Variants in RAP1GDS1 observed in about 807,000 individuals in gnomAD.
RAP1GDS1 encodes RAP1, GTP-GDP dissociation stimulator 1.
In RAP1GDS1, 35 loss-of-function variants were observed where a neutral mutation model predicts 71.1. The observed-to-expected ratio is 0.49, with a 90% CI of 0.38 to 0.65. The LOEUF (loss-of-function observed/expected upper bound fraction) is 0.65. Among genes scored for constraint, RAP1GDS1 ranks in the 30% least tolerant of loss-of-function variants. The probability of loss-of-function intolerance (pLI) is 0.00; values close to 1 mark genes in which losing one functional copy is unlikely to be tolerated. For synonymous variants in RAP1GDS1, 229 were observed against 243.1 expected, an observed-to-expected ratio of 0.94 and a Z score of 0.54; for missense variants, 663 against 706.1, an observed-to-expected ratio of 0.94 and a Z score of 0.69.
In RAP1GDS1 at chr4:98,277,029, C is replaced by A. The variant is rs12649314; in HGVS notation, c.4+15460C>A. 2.7e-3 allele frequency among the ~76,000 whole-genome samples: 408 copies of A among 152,184 alleles called. 14 individuals carry two copies. The East Asian group carries it at 0.076, about 28-fold the overall frequency. ...CCTTTAGTTAGGGGCAGTGTCAGGC[C>A]TAGAATGTTGATCTCTCAACTCCTA... On this transcript the variant is annotated intron_variant, in intron 1 of 14. Coordinates refer to ENST00000408927, the MANE Select transcript of RAP1GDS1 (RefSeq NM_001100427.2).
intron 6 of RAP1GDS1, among the ~76,000 whole-genome samples, chr4:98,401,837 G>A (rs930957748): frequency 6.6e-6 from 1 of 152,154 alleles, no homozygotes; most frequent in African/African-American, 2.4e-5. Context: ...CATAGCAACA[G>A]TGATTTGGTT....
chr4:98,365,711 A>G (rs932372445), intron 4 of RAP1GDS1, among the ~76,000 whole-genome samples: 4 of 152,180 alleles, frequency 2.6e-5, no homozygotes, highest in African/African-American at 4.8e-5. Flanking sequence ...ATACACATCT[A>G]ACTTTTTTTA....
chr4:98,334,064 T>G (rs768133544), intron 2 of RAP1GDS1, among the ~76,000 whole-genome samples: 38 of 152,290 alleles, frequency 2.5e-4, no homozygotes, highest in Admixed American at 3.9e-4. Flanking sequence ...TTATCAAAGT[T>G]TTTTTAAGTC....
chr4:98,289,896 C>T (rs2110273105), intron 1 of RAP1GDS1, among the ~76,000 whole-genome samples: 1 of 151,938 alleles, frequency 6.6e-6, no homozygotes, highest in African/African-American at 2.4e-5. Flanking sequence ...CACATTAGCA[C>T]AGAAATATTT....
At chr4:98,282,809 G>A (rs574030704) in intron 1 of RAP1GDS1, among the ~76,000 whole-genome samples, 110 of 152,170 alleles carry the variant, frequency 7.2e-4, no homozygotes, top group Non-Finnish European at 1.4e-3. Context: ...CAGAGATTCT[G>A]GTGTGTTGTG....
At chr4:98,401,023 GAT>G (rs1745332607) in intron 6 of RAP1GDS1, among the ~76,000 whole-genome samples, 1 of 152,056 alleles carries the variant, frequency 6.6e-6, no homozygotes, top group African/African-American at 2.4e-5. Flanking sequence ...CAAAACAAGG[GAT>G]TTAAATGAAG....
chr4:98,405,275 A>G (rs1560969430), intron 7 of RAP1GDS1, among the ~76,000 whole-genome samples: 1 of 152,174 alleles, frequency 6.6e-6, no homozygotes, highest in South Asian at 2.1e-4. Context: ...AGCAGATTTA[A>G]GAATGAAATA....
chr4:98,295,532 A>G (rs937470713), intron 2 of RAP1GDS1, among the ~76,000 whole-genome samples: 2 of 152,064 alleles, frequency 1.3e-5, no homozygotes, highest in African/African-American at 2.4e-5. Flanking sequence ...AATCTTTCCT[A>G]TAGTCCCATG....
intron 2 of RAP1GDS1, among the ~76,000 whole-genome samples, chr4:98,331,347 A>C (rs188735920): frequency 9.6e-4 from 128 of 132,736 alleles, no homozygotes; most frequent in South Asian, 2.0e-3. Flanking sequence ...GACCACGGAG[A>C]GGGAGAGGGA....
chr4:98,316,722 C>T (rs1263768549), intron 2 of RAP1GDS1, among the ~76,000 whole-genome samples: 1 of 152,124 alleles, frequency 6.6e-6, no homozygotes, highest in East Asian at 1.9e-4. Context: ...ACAACTTTAG[C>T]TCCAAGCCTG....
At chr4:98,388,540 A>G (rs1384673673) in intron 5 of RAP1GDS1, among the ~76,000 whole-genome samples, 1 of 152,182 alleles carries the variant, frequency 6.6e-6, no homozygotes. Flanking sequence ...AACCTGTCCA[A>G]CATGGTGAAA....
intron 8 of RAP1GDS1, 79 bp downstream of exon 8, chr4:98,416,967 C>T (rs1748127641): frequency 3.4e-6 from 5 of 1,457,076 alleles, no homozygotes; most frequent in South Asian, 1.3e-5. Flanking sequence ...GTAAATACTA[C>T]CCTAGACATT....
At chr4:98,441,854 C>A in intron 14 of RAP1GDS1, 136 bp from the exon 15 acceptor site, 1 of 922,186 alleles carries the variant, frequency 1.1e-6, no homozygotes, top group Non-Finnish European at 1.5e-6. Flanking sequence ...CATTGCTAGG[C>A]TACTGCTATG....
At chr4:98,361,696 G>A (rs1738777814) in intron 4 of RAP1GDS1, among the ~76,000 whole-genome samples, 1 of 152,114 alleles carries the variant, frequency 6.6e-6, no homozygotes, top group African/African-American at 2.4e-5. Flanking sequence ...TTTATGCTGT[G>A]CCCTTGGTAC....
chr4:98,407,289 G>A (rs1270975193), intron 7 of RAP1GDS1, among the ~76,000 whole-genome samples: 2 of 151,256 alleles, frequency 1.3e-5, no homozygotes, highest in Non-Finnish European at 2.9e-5. Flanking sequence ...TTGTTAATCT[G>A]CACTTGTACT....
At position 98,352,537 on chromosome 4, in the gene RAP1GDS1, T is replaced by C. The variant is rs547277647; in HGVS notation, c.297T>C (p.Asn99=). The C allele has an allele frequency of 6.2e-7, 1 of 1,614,074 alleles. No homozygotes were observed. Among genetic ancestry groups the C allele is most frequent in the South Asian group, 1.1e-5 (1 of 91,084 alleles). Residue 99 remains asparagine, a synonymous_variant, in exon 4 of 15, where the codon AAT becomes AAC. Coordinates refer to ENST00000408927, the MANE Select transcript of RAP1GDS1 (RefSeq NM_001100427.2). ...TTTCACCACTGGTGCAGCTGCTAAA[T>C]AGCAAAGACCAGGAAGTGCTGCTTC... The part of the protein sequence containing the change: ...GLISPLVQLL[N]SKDQEVLLQT...
At chr4:98,412,072 G>C (rs1272547626) in intron 7 of RAP1GDS1, among the ~76,000 whole-genome samples, 4 of 152,118 alleles carry the variant, frequency 2.6e-5, no homozygotes, top group Non-Finnish European at 5.9e-5. Flanking sequence ...CATTAAAATT[G>C]CCTGAAAGTC....
At chr4:98,322,167 CAAAG>C (rs1265029786) in intron 2 of RAP1GDS1, among the ~76,000 whole-genome samples, 1 of 82,844 alleles carries the variant, frequency 1.2e-5, no homozygotes, top group Non-Finnish European at 2.4e-5. Context: ...TCAAAAGAGA[CAAAG>C]AAGGCCATTA....
At position 98,382,198 on chromosome 4, in the gene RAP1GDS1, G is replaced by T. The variant is rs553580573; in HGVS notation, c.508+3035G>T. On this transcript the variant is annotated intron_variant, in intron 5 of 14. Transcript: ENST00000408927. Reference sequence around the variant, plus strand: ...GGATATATACTTTTGTTTCCCTATTGGTGAAGCAGTTAATACTCAGGTAAG... The same window carrying T: ...GGATATATACTTTTGTTTCCCTATTTGTGAAGCAGTTAATACTCAGGTAAG... 3.3e-5 allele frequency among the ~76,000 whole-genome samples: 5 copies of T among 151,438 alleles called. No homozygotes were observed. In the South Asian group the frequency reaches 8.3e-4, roughly 25 times the overall value.
Sources: allele counts gnomAD v4.1 joint callset (sites outside exome capture counted in the v4.1 genomes callset), GRCh38; gene constraint gnomAD v4.1.1; transcripts MANE v1.5; gene names NCBI Gene and HGNC (gene_info 2026-07-23, HGNC 2026-07-21).